AGTPBP1: variants seen among roughly 807,000 people sequenced by gnomAD.
AGTPBP1 encodes the protein ATP/GTP binding carboxypeptidase 1.
AGTPBP1 carries 70 observed loss-of-function variants against 143.9 expected under a neutral mutation model. The ratio of observed to expected loss-of-function variants is 0.49; its 90% CI spans 0.40 to 0.59. The LOEUF (loss-of-function observed/expected upper bound fraction) is 0.59, where lower values mean the gene tolerates loss of function less well. Among genes scored for constraint, AGTPBP1 ranks in the 20% least tolerant of loss-of-function variants. The pLI is 0.00. For missense variants in AGTPBP1, 1,229 were observed against 1,464.5 expected, an observed-to-expected ratio of 0.84 and a Z score of 2.62; for synonymous variants, 463 against 500.2, an observed-to-expected ratio of 0.93 and a Z score of 0.99.
At chr9:85,562,179 C>A (rs79158906) in intron 25 of AGTPBP1, among the ~76,000 whole-genome samples, 2,678 of 150,674 alleles carry the variant, frequency 0.018, 37 homozygotes, top group Non-Finnish European at 0.029. Flanking sequence ...GAGAATAAAA[C>A]CAATATAAAT....
intron 17 of AGTPBP1, among the ~76,000 whole-genome samples, chr9:85,603,061 A>G (rs565666355): frequency 7.1e-4 from 108 of 152,320 alleles, no homozygotes; most frequent in Non-Finnish European, 1.4e-3. Flanking sequence ...GGCGTCCTAC[A>G]TAAACTTGAA....
At chr9:85,719,429 T>C (rs1347976669) in intron 1 of AGTPBP1, among the ~76,000 whole-genome samples, 4 of 152,188 alleles carry the variant, frequency 2.6e-5, no homozygotes, top group African/African-American at 9.7e-5. Context: ...TTTGAAGCAA[T>C]TGTGAATGGG....
the AGTPBP1 span, chr9:85,792,390 G>A: frequency 6.6e-6 from 1 of 152,176 alleles, no homozygotes; most frequent in African/African-American, 2.4e-5. Flanking sequence ...AACAGGGCAA[G>A]GTATTTTAAT....
Position 85,646,383 on chromosome 9 carries a change from C to T in AGTPBP1, c.1123G>A (p.Asp375Asn), listed in dbSNP as rs200298020. 1 of 1,612,968 alleles carries T rather than the reference C, an allele frequency of 6.2e-7. No homozygotes were observed. The highest frequency in any genetic ancestry group is 2.2e-5 in the East Asian group (1 of 44,758). The change falls in exon 12 of 26, where the codon GAT (aspartate) becomes AAT (asparagine). Residue 375 changes from aspartate (D) to asparagine (N), a missense_variant. Transcript: ENST00000357081. ...TCGTTTTCAGCTTCTACATCAATAT[C>T]ATCGTTGTCATCACTTTCATCTACT... is the stretch of plus-strand genomic sequence containing the variant. Reference protein sequence around the residue: ...DVVDESDDNDDIDVEAENETE... With the variant: ...DVVDESDDNDNIDVEAENETE...
At chr9:85,800,035 T>C in the AGTPBP1 span, among the ~76,000 whole-genome samples, 1 of 152,190 alleles carries the variant, frequency 6.6e-6, no homozygotes, top group Non-Finnish European at 1.5e-5. Flanking sequence ...GATCCCAGCA[T>C]TCCAGGATCT....
chr9:85,592,651 T>A lies in AGTPBP1; in HGVS notation c.2477A>T (p.Tyr826Phe). 1 of 1,612,256 alleles carries A rather than the reference T, an allele frequency of 6.2e-7. No homozygotes were observed. The highest frequency in any genetic ancestry group is 8.5e-7 in the Non-Finnish European group (1 of 1,179,328). The change falls in exon 19 of 26, where the codon TAC becomes TTC. Residue 826 changes from tyrosine (Y) to phenylalanine (F), a missense_variant. Tyr to Phe is a conservative substitution (Grantham distance 22). Coordinates refer to ENST00000357081, the MANE Select transcript of AGTPBP1 (RefSeq NM_001330701.2). ...ATTGACAGTAAATGTAATTGTATAG[T>A]AGGATTTTCCCTTTTGCCCACCTGC... ...VAAGGQKGKS[Y>F]YTITFTVNFP...
intron 2 of AGTPBP1, among the ~76,000 whole-genome samples, chr9:85,707,862 A>G (rs914244876): frequency 4.6e-5 from 7 of 151,590 alleles, no homozygotes; most frequent in Non-Finnish European, 1.0e-4. Context: ...CAGTTGAACA[A>G]TAAGAAATCA....
chr9:85,550,541 C>T (rs1251859602), intron 25 of AGTPBP1, among the ~76,000 whole-genome samples: 3 of 152,176 alleles, frequency 2.0e-5, no homozygotes, highest in African/African-American at 7.2e-5. Flanking sequence ...CTCTTATAAG[C>T]ATGCCCTCTT....
chr9:85,716,160 T>C (rs1044016083), intron 1 of AGTPBP1, among the ~76,000 whole-genome samples: 5 of 152,222 alleles, frequency 3.3e-5, no homozygotes, highest in Non-Finnish European at 1.5e-5. Flanking sequence ...ATGATCCCCA[T>C]GTTACTAAAT....
chr9:85,751,528 C>A, the AGTPBP1 span, among the ~76,000 whole-genome samples: 3 of 152,288 alleles, frequency 2.0e-5, no homozygotes, highest in Middle Eastern at 3.4e-3. Context: ...CCAGCTCTGA[C>A]TCATGGCGTC....
intron 23 of AGTPBP1, among the ~76,000 whole-genome samples, chr9:85,580,435 G>A (rs1348196572): frequency 1.3e-5 from 2 of 150,726 alleles, no homozygotes; most frequent in African/African-American, 4.9e-5. Flanking sequence ...GTCTCGCACT[G>A]TTGCTCACCA....
At chr9:85,652,926 A>C (rs566991447) in intron 11 of AGTPBP1, among the ~76,000 whole-genome samples, 1 of 152,308 alleles carries the variant, frequency 6.6e-6, no homozygotes, top group East Asian at 1.9e-4. Context: ...ACTGAATTGC[A>C]GAACACCCAG....
intron 17 of AGTPBP1, among the ~76,000 whole-genome samples, chr9:85,599,352 C>T (rs1373152595): frequency 6.6e-6 from 1 of 152,146 alleles, no homozygotes; most frequent in Non-Finnish European, 1.5e-5. Context: ...TTATTTTCTA[C>T]TTCTGATACC....
chr9:85,600,322 C>T (rs1829581304), intron 17 of AGTPBP1, among the ~76,000 whole-genome samples: 2 of 152,104 alleles, frequency 1.3e-5, no homozygotes, highest in South Asian at 4.1e-4. Flanking sequence ...CTCACCATAA[C>T]ACAAAACTCA....
At chr9:85,563,798 A>G (rs1479514890) in intron 25 of AGTPBP1, among the ~76,000 whole-genome samples, 1 of 152,212 alleles carries the variant, frequency 6.6e-6, no homozygotes, top group Non-Finnish European at 1.5e-5. Flanking sequence ...AGTGGTTTCA[A>G]AAGAGGAGCC....
intron 3 of AGTPBP1, among the ~76,000 whole-genome samples, chr9:85,682,334 T>G (rs1319058241): frequency 6.6e-6 from 1 of 152,138 alleles, no homozygotes; most frequent in Non-Finnish European, 1.5e-5. Context: ...ATAGCTACAT[T>G]ATGTCATTTA....
intron 1 of AGTPBP1, among the ~76,000 whole-genome samples, chr9:85,731,840 T>C (rs1320264026): frequency 6.6e-6 from 1 of 152,182 alleles, no homozygotes; most frequent in Non-Finnish European, 1.5e-5. Flanking sequence ...AAAGTATGGG[T>C]AAGAGTAAAT....
chr9:85,727,522 T>C (rs976482204), intron 1 of AGTPBP1, among the ~76,000 whole-genome samples: 1 of 152,144 alleles, frequency 6.6e-6, no homozygotes, highest in Non-Finnish European at 1.5e-5. Flanking sequence ...AGGACATAAA[T>C]CTACTACATA....
chr9:85,739,908 C>T lies in AGTPBP1; in HGVS notation c.-34+1867G>A, dbSNP rs1432883434. 2.7e-5 allele frequency among the ~76,000 whole-genome samples: 4 copies of T among 150,692 alleles called. No homozygotes were observed. The East Asian group carries it at 7.8e-4, about 29-fold the overall frequency. ...CGCGCCTATAATCAAGAAGCTGAGGCGGGAGAATCGCTTGAACCCGGTAGG... is the reference window on the plus strand; with the variant it reads ...CGCGCCTATAATCAAGAAGCTGAGGTGGGAGAATCGCTTGAACCCGGTAGG... On this transcript the variant is annotated intron_variant, in intron 1 of 25. Transcript: ENST00000357081.
Sources: allele counts gnomAD v4.1 joint callset (sites outside exome capture counted in the v4.1 genomes callset), GRCh38; gene constraint gnomAD v4.1.1; transcripts MANE v1.5; gene names NCBI Gene and HGNC (gene_info 2026-07-23, HGNC 2026-07-21).